Variants in CALML6 observed in about 807,000 individuals in gnomAD.
The protein encoded by CALML6 is calmodulin-like protein 6.
In CALML6, 27 loss-of-function variants were observed where a neutral mutation model predicts 25.0. The observed-to-expected ratio is 1.08, with a 90% CI of 0.80 to 1.49. The LOEUF (loss-of-function observed/expected upper bound fraction) is 1.49. Ranked by LOEUF, CALML6 falls within the 40% of genes most tolerant of loss-of-function variation. The pLI is 0.00. For missense variants in CALML6, 239 were observed against 232.7 expected, an observed-to-expected ratio of 1.03 and a Z score of -0.18; for synonymous variants, 97 against 87.2, an observed-to-expected ratio of 1.11 and a Z score of -0.63.
rs766538533 is a variant in CALML6 at position 1,916,645 on chromosome 1, G to T, written c.253+30G>T. The T allele has an allele frequency of 2.7e-5, 44 of 1,601,560 alleles. 1 individual carries two copies. The South Asian group carries it at 3.1e-4, about 11-fold the overall frequency. On this transcript the variant is annotated intron_variant, in intron 3 of 5. Coordinates refer to ENST00000307786, the MANE Select transcript of CALML6 (RefSeq NM_138705.4). ...GCTCATGGCTGGAGTGGGGTGGGCA[G>T]CCTCGGGGGGGCCCTGGGTCAGGTG... is the stretch of plus-strand genomic sequence containing the variant.
In CALML6 at chr1:1,915,729, C is replaced by T. The variant is rs138830753; in HGVS notation, c.72C>T (p.Thr24=). 46 of 1,613,378 alleles carry T rather than the reference C, an allele frequency of 2.9e-5. 1 individual carries two copies. The African/African-American group carries it at 3.3e-4, about 12-fold the overall frequency. The change falls in exon 2 of 6, where the codon ACC becomes ACT. Residue 24 remains threonine (T), a synonymous_variant. Transcript: ENST00000307786. ...CTGCAGAATCCTGTCAGACAACCAC[C>T]GACATGGTAAGGCTGCTCTCTGTGC... ...HHPAESCQTT[T]DMTERLSAEQ...
At chr1:1,916,334 T>G in intron 2 of CALML6, 107 bp from the exon 3 acceptor site, 1 of 1,083,962 alleles carries the variant, frequency 9.2e-7, no homozygotes, top group Non-Finnish European at 1.3e-6. Context: ...CCACTCACCT[T>G]GAAAGGCTGC....
chr1:1,916,744 C>G lies in CALML6; in HGVS notation c.254-8C>G, dbSNP rs765287544. The G allele has an allele frequency of 6.2e-7, 1 of 1,613,440 alleles. No individual in the cohort carries two copies. Among genetic ancestry groups the G allele is most frequent in the South Asian group, 1.1e-5 (1 of 91,076 alleles). On this transcript the variant is annotated splice_region_variant and splice_polypyrimidine_tract_variant and intron_variant, in intron 3 of 5. Transcript: ENST00000307786. ...CCATCCCTTGAGCCCCAGCTGTGCC[C>G]CTTGCAGACAAAGGGTTCTTCAACT...
intron 2 of CALML6, 29 bp from the exon 3 acceptor site, chr1:1,916,412 G>C (rs1651111083): frequency 6.7e-7 from 1 of 1,490,224 alleles, no homozygotes; most frequent in Non-Finnish European, 9.0e-7. Flanking sequence ...AGGGGCTCCT[G>C]GTCAGGCCGG....
At position 1,916,687 on chromosome 1, in the gene CALML6, G is replaced by A. The variant is rs1002892798; in HGVS notation, c.254-65G>A. The stretch of plus-strand genomic sequence containing the variant: ...GGTCAGGTGTCAGTGCCTACGGGGG[G>A]AAGAGGCAAAGCCCATGGGGAGTGC... On this transcript the variant is annotated intron_variant, in intron 3 of 5. Coordinates refer to ENST00000307786, the MANE Select transcript of CALML6 (RefSeq NM_138705.4). 1.9e-5 allele frequency: 31 copies of A among 1,609,270 alleles called. No homozygotes were observed. The Middle Eastern group carries it at 8.3e-4, about 43-fold the overall frequency.
chr1:1,916,092 C>T (rs28710181), intron 2 of CALML6: 46,759 of 430,198 alleles, frequency 0.11, 5,173 homozygotes, highest in African/African-American at 0.35. Context: ...CTCCTCCCCA[C>T]CCTGCTCTCG....
chr1:1,915,838 A>T, intron 2 of CALML6, 103 bp downstream of exon 2: 1 of 1,177,154 alleles, frequency 8.5e-7, no homozygotes, highest in Non-Finnish European at 1.2e-6. Context: ...CTGGGCAGGA[A>T]GGGGCTGAGG....
chr1:1,916,978 G>A lies in CALML6; in HGVS notation c.403G>A (p.Val135Met), dbSNP rs372840731. ...GYIDWNTLKYVLMNAGEPLNE... is the reference protein window; with the variant it reads ...GYIDWNTLKYMLMNAGEPLNE... ...GCTCAGCGCCAGGCCCCGTAGGTAC[G>A]TGCTAATGAACGCAGGGGAGCCCCT... Residue 135 changes from valine to methionine, a missense_variant, in exon 5 of 6, where the codon GTG becomes ATG. By Grantham distance (21) the Val-to-Met change is conservative (BLOSUM62 1). Transcript: ENST00000307786. 1.2e-5 allele frequency: 19 copies of A among 1,610,714 alleles called. No individual in the cohort carries two copies. The highest frequency in any genetic ancestry group is 8.0e-5 in the African/African-American group (6 of 74,868).
In CALML6 at chr1:1,917,147, A is replaced by G. The variant is rs1651160643; in HGVS notation, c.500A>G (p.Glu167Gly). 3 of 1,608,746 alleles carry G rather than the reference A, an allele frequency of 1.9e-6. No individual in the cohort carries two copies. Among genetic ancestry groups the G allele is most frequent in the Non-Finnish European group, 2.5e-6 (3 of 1,178,476 alleles). ...TGCTGACCTGCCCCTCTGTTCCCAG[A>G]GTTTGTGGCCATGATGACGGGGGAG... ...KDGDRTIDYE[E>G]FVAMMTGESF... The change falls in exon 6 of 6, where the codon GAG becomes GGG. Residue 167 changes from glutamate (E) to glycine (G), a missense_variant and splice_region_variant. Physicochemically the swap from Glu to Gly is moderately conservative, Grantham distance 98. This residue lies in a region of CALML6 where 231 missense variants were observed against 210.9 expected (regional missense o/e 1.10). Transcript: ENST00000307786.
In CALML6 at chr1:1,917,209, C is replaced by T. The variant is rs1315960873; in HGVS notation, c.*16C>T. ...GATCCAGTAGGTGCAGCTGCCGCAG[C>T]CGGGGGAGGCCTGCCCGGGAAGGCT... is the stretch of plus-strand genomic sequence containing the variant. On this transcript the variant is annotated 3_prime_UTR_variant, in exon 6 of 6. Coordinates refer to ENST00000307786, the MANE Select transcript of CALML6 (RefSeq NM_138705.4). 12 of 1,585,094 alleles carry T rather than the reference C, an allele frequency of 7.6e-6. No homozygotes were observed. The highest frequency in any genetic ancestry group is 7.2e-5 in the Admixed American group (4 of 55,622).
At position 1,916,856 on chromosome 1, in the gene CALML6, G is replaced by T. The variant is rs1317612459; in HGVS notation, c.358G>T (p.Asp120Tyr). ...SELRAAFRVFDKEGKGYIDWN... is the reference protein window; with the variant it reads ...SELRAAFRVFYKEGKGYIDWN... Reference sequence around the variant, plus strand: ...GCTGAGGGCGGCATTCCGTGTCTTTGACAAAGAGGGCAAGGGCTACATTGA... The same window carrying T: ...GCTGAGGGCGGCATTCCGTGTCTTTTACAAAGAGGGCAAGGGCTACATTGA... Residue 120 changes from aspartate to tyrosine, a missense_variant, in exon 4 of 6, where the codon GAC (aspartate) becomes TAC (tyrosine). Asp to Tyr is a radical substitution (Grantham distance 160). This residue lies in a region of CALML6 where 231 missense variants were observed against 210.9 expected (regional missense o/e 1.10). Coordinates refer to ENST00000307786, the MANE Select transcript of CALML6 (RefSeq NM_138705.4). The T allele has an allele frequency of 6.8e-7, 1 of 1,462,536 alleles. No individual in the cohort carries two copies. Among genetic ancestry groups the T allele is most frequent in the Non-Finnish European group, 9.1e-7 (1 of 1,093,818 alleles). The allele number at this position is 1,462,536 out of a possible 1,614,324, so 90.6% of individuals were successfully genotyped here.
In CALML6 at chr1:1,916,452, G is replaced by A; in HGVS notation, c.90G>A (p.Leu30=). 1 of 1,536,170 alleles carries A rather than the reference G, an allele frequency of 6.5e-7. No homozygotes were observed. The highest frequency in any genetic ancestry group is 8.8e-7 in the Non-Finnish European group (1 of 1,138,860). The change falls in exon 3 of 6, where the codon CTG becomes CTA. Residue 30 remains leucine, a synonymous_variant. Coordinates refer to ENST00000307786, the MANE Select transcript of CALML6 (RefSeq NM_138705.4). ...GGTGTCCCCTGCAGACAGAGCGCCT[G>A]TCGGCTGAGCAGATCAAGGAGTACA... ...CQTTTDMTER[L]SAEQIKEYKG...
At chr1:1,916,930 G>GGGGGGC in intron 4 of CALML6, 34 bp downstream of exon 4, 6 of 664,972 alleles carry the variant, frequency 9.0e-6, no homozygotes, top group South Asian at 1.4e-5. Context: ...TGGTGGGCGG[G>GGGGGGC]CACGGGCAGG....
chr1:1,916,893 T>C lies in CALML6; in HGVS notation c.395T>C (p.Leu132Pro). 1.1e-6 allele frequency: 1 copy of C among 882,250 alleles called. No individual in the cohort carries two copies. The allele number at this position is 882,250 out of a possible 1,614,324, so 54.7% of individuals were successfully genotyped here. The change falls in exon 4 of 6, where the codon CTC becomes CCC. Residue 132 changes from leucine (L) to proline (P), a missense_variant. Coordinates refer to ENST00000307786, the MANE Select transcript of CALML6 (RefSeq NM_138705.4). ...EGKGYIDWNT[L>P]KYVLMNAGEP... is the part of the protein sequence containing the mutation. Reference sequence around the variant, plus strand: ...AAGGGCTACATTGACTGGAACACACTCAAGTAGGGCCCGGGTTGGGGGCGG... The same window carrying C: ...AAGGGCTACATTGACTGGAACACACCCAAGTAGGGCCCGGGTTGGGGGCGG...
In CALML6 at chr1:1,916,744, C is replaced by T. The variant is rs765287544; in HGVS notation, c.254-8C>T. 1 of 1,613,440 alleles carries T rather than the reference C, an allele frequency of 6.2e-7. No individual in the cohort carries two copies. Among genetic ancestry groups the T allele is most frequent in the East Asian group, 2.2e-5 (1 of 44,886 alleles). On this transcript the variant is annotated splice_region_variant and splice_polypyrimidine_tract_variant and intron_variant, in intron 3 of 5. Transcript: ENST00000307786. ...CCATCCCTTGAGCCCCAGCTGTGCCCCTTGCAGACAAAGGGTTCTTCAACT... is the reference window on the plus strand; with the variant it reads ...CCATCCCTTGAGCCCCAGCTGTGCCTCTTGCAGACAAAGGGTTCTTCAACT...
chr1:1,917,265 C>A lies in CALML6; in HGVS notation c.*72C>A. Reference sequence around the variant, plus strand: ...CCCTGCCCCCTGGCCCCCACTCCCCCGGCTCCGTGTAAAATAAATGTTCCA... The same window carrying A: ...CCCTGCCCCCTGGCCCCCACTCCCCAGGCTCCGTGTAAAATAAATGTTCCA... On this transcript the variant is annotated 3_prime_UTR_variant, in exon 6 of 6. Coordinates refer to ENST00000307786, the MANE Select transcript of CALML6 (RefSeq NM_138705.4). 1 of 1,457,192 alleles carries A rather than the reference C, an allele frequency of 6.9e-7. No individual in the cohort carries two copies. The allele number at this position is 1,457,192 out of a possible 1,614,324, so 90.3% of individuals were successfully genotyped here.
Position 1,916,989 on chromosome 1 carries a change from C to T in CALML6, c.414C>T (p.Asn138=), listed in dbSNP as rs147764999. 2.8e-5 allele frequency: 45 copies of T among 1,609,832 alleles called. No individual in the cohort carries two copies. Among genetic ancestry groups the T allele is most frequent in the South Asian group, 3.3e-5 (3 of 90,872 alleles). ...DWNTLKYVLM[N]AGEPLNEVEA... Reference sequence around the variant, plus strand: ...GGCCCCGTAGGTACGTGCTAATGAACGCAGGGGAGCCCCTCAACGAGGTGG... The same window carrying T: ...GGCCCCGTAGGTACGTGCTAATGAATGCAGGGGAGCCCCTCAACGAGGTGG... Residue 138 remains asparagine, a synonymous_variant, in exon 5 of 6, where the codon AAC becomes AAT. Coordinates refer to ENST00000307786, the MANE Select transcript of CALML6 (RefSeq NM_138705.4).
chr1:1,915,793 C>G, intron 2 of CALML6, 58 bp downstream of exon 2: 7 of 1,558,830 alleles, frequency 4.5e-6, no homozygotes, highest in Middle Eastern at 1.7e-4. Flanking sequence ...GTAGGTTGAG[C>G]TGGAACCTGG....
chr1:1,915,819 C>T, intron 2 of CALML6, 84 bp downstream of exon 2: 1 of 1,364,770 alleles, frequency 7.3e-7, no homozygotes, highest in Non-Finnish European at 1.0e-6. Context: ...CAATGACCTG[C>T]CACGGAGCCT....
Sources: allele counts gnomAD v4.1 joint callset, GRCh38; gene constraint gnomAD v4.1.1; regional missense constraint gnomAD v4.1.1; transcripts MANE v1.5; gene names NCBI Gene and HGNC (gene_info 2026-07-23, HGNC 2026-07-21).